Variants in CCDC9B observed in about 807,000 individuals in gnomAD.
CCDC9B encodes the protein coiled-coil domain-containing protein 9B.
A neutral mutation model predicts 47.2 loss-of-function variants in CCDC9B; 40 were observed. The ratio of observed to expected loss-of-function variants is 0.85; its 90% CI spans 0.66 to 1.10. CCDC9B has a LOEUF of 1.10. Among genes scored for constraint, CCDC9B ranks in the 50% least tolerant of loss-of-function variants. The probability of loss-of-function intolerance (pLI) is 0.00; values close to 1 mark genes in which losing one functional copy is unlikely to be tolerated. For missense variants in CCDC9B, 662 were observed against 651.0 expected, an observed-to-expected ratio of 1.02 and a Z score of -0.18; for synonymous variants, 238 against 250.7, an observed-to-expected ratio of 0.95 and a Z score of 0.48.
chr15:40,339,986 G>T lies in CCDC9B; in HGVS notation c.42C>A (p.Ser14Arg), dbSNP rs1362069027. The T allele has an allele frequency of 1.2e-6, 2 of 1,613,434 alleles. No individual in the cohort carries two copies. The highest frequency in any genetic ancestry group is 2.2e-5 in the East Asian group (1 of 44,896). The change falls in exon 2 of 11, where the codon AGC (serine) becomes AGA (arginine). Residue 14 changes from serine to arginine, a missense_variant. Physicochemically the swap from Ser to Arg is moderately radical, Grantham distance 110 (BLOSUM62 -1). Coordinates refer to ENST00000397536, the MANE Select transcript of CCDC9B (RefSeq NM_207380.3). Reference sequence around the variant, plus strand: ...CCAGCTCTGCGTCCTTCTCCTGCCTGCTCATGGGGGACTCGGCTCTGGGAG... The same window carrying T: ...CCAGCTCTGCGTCCTTCTCCTGCCTTCTCATGGGGGACTCGGCTCTGGGAG... ...AGTPRAESPM[S>R]RQEKDAELDR... is the part of the protein sequence containing the mutation.
rs754137129 is a variant in CCDC9B at position 40,336,586 on chromosome 15, C to A, written c.875G>T (p.Gly292Val). 19 of 1,611,852 alleles carry A rather than the reference C, an allele frequency of 1.2e-5. No homozygotes were observed. In the African/African-American group the frequency reaches 1.5e-4, roughly 12 times the overall value. Residue 292 changes from glycine to valine, a missense_variant, in exon 9 of 11, where the codon GGC becomes GTC. Gly to Val is a moderately radical substitution (Grantham distance 109). Transcript: ENST00000397536. ...SKARGKERLT[G>V]RARRWDMKED... ...TGCCACCTGTTACCTTCGGGCCCTG[C>A]CAGTCAGCCTCTCCTTGCCCCGGGC...
Position 40,339,456 on chromosome 15 carries a change from A to G in CCDC9B, c.231+56T>C, listed in dbSNP as rs1017975603. 8 of 1,572,074 alleles carry G rather than the reference A, an allele frequency of 5.1e-6. No homozygotes were observed. The African/African-American group carries it at 1.1e-4, about 21-fold the overall frequency. On this transcript the variant is annotated intron_variant, in intron 3 of 10. Transcript: ENST00000397536. The stretch of plus-strand genomic sequence containing the variant: ...ACAGAGGCAGCTGTCTTTCCCCGAC[A>G]TGGTCTGGGCCTCCACCTCCTTGCT...
At position 40,338,404 on chromosome 15, in the gene CCDC9B, G is replaced by A. The variant is rs1159549622; in HGVS notation, c.513+131C>T. On this transcript the variant is annotated intron_variant, in intron 5 of 10. Transcript: ENST00000397536. Reference sequence around the variant, plus strand: ...AGAGACTGGCCAGAGAAAGGGAGGAGGAGCAGGAACTCCTGCATGTGCTCC... The same window carrying A: ...AGAGACTGGCCAGAGAAAGGGAGGAAGAGCAGGAACTCCTGCATGTGCTCC... 32 of 1,052,388 alleles carry A rather than the reference G, an allele frequency of 3.0e-5. 1 individual carries two copies. In the South Asian group the frequency reaches 3.9e-4, roughly 13 times the overall value. The allele number at this position is 1,052,388 out of a possible 1,614,324, so 65.2% of individuals were successfully genotyped here.
intron 9 of CCDC9B, chr15:40,336,077 G>A (rs1421119470): frequency 2.0e-6 from 2 of 985,282 alleles, no homozygotes; most frequent in Non-Finnish European, 2.4e-6. Context: ...CACCTCCTCT[G>A]GGCCTCCATC....
chr15:40,339,910 A>G lies in CCDC9B; in HGVS notation c.118T>C (p.Tyr40His). The change falls in exon 2 of 11, where the codon TAC becomes CAC. Residue 40 changes from tyrosine to histidine, a missense_variant. Tyr to His is a moderately conservative substitution (Grantham distance 83). Transcript: ENST00000397536. ...CCCTGTGGCAGCCCACTCACCTGGTACCTGCGGAGCAAGGCCTGGTTCTTC... is the reference window on the plus strand; with the variant it reads ...CCCTGTGGCAGCCCACTCACCTGGTGCCTGCGGAGCAAGGCCTGGTTCTTC... Reference protein sequence around the residue: ...RKKNQALLRRYQEIQEDRRQA... With the variant: ...RKKNQALLRRHQEIQEDRRQA... The G allele has an allele frequency of 6.2e-7, 1 of 1,611,182 alleles. No homozygotes were observed. The highest frequency in any genetic ancestry group is 8.5e-7 in the Non-Finnish European group (1 of 1,177,512).
At position 40,334,777 on chromosome 15, in the gene CCDC9B, G is replaced by C. The variant is rs56289107; in HGVS notation, c.*381C>G. ...AGCTGGAGAGGGAGGCCAGGCCCTG[G>C]GGGGGTGACGGGGAGCCAGGAGAGC... On this transcript the variant is annotated 3_prime_UTR_variant, in exon 11 of 11. Coordinates refer to ENST00000397536, the MANE Select transcript of CCDC9B (RefSeq NM_207380.3). The C allele has an allele frequency of 0.087, 14,500 of 166,620 alleles. 863 individuals carry two copies. Among genetic ancestry groups the C allele is most frequent in the Non-Finnish European group, 0.13 (9,923 of 78,076 alleles). The allele number at this position is 166,620 out of a possible 1,614,324, so 10.3% of individuals were successfully genotyped here.
intron 6 of CCDC9B, 136 bp downstream of exon 6, chr15:40,337,588 C>A: frequency 8.3e-7 from 1 of 1,202,040 alleles, no homozygotes; most frequent in Non-Finnish European, 1.2e-6. Flanking sequence ...AGACCCAGAG[C>A]CTTGAACCCT....
Position 40,331,752 on chromosome 15 carries a change from T to C in CCDC9B, c.*3406A>G, listed in dbSNP as rs1322790892. ...AGACTGAGGCTTTTAGAGGCTAAAATTGACCCAGGTCACCCGGCTGACAGA... is the reference window on the plus strand; with the variant it reads ...AGACTGAGGCTTTTAGAGGCTAAAACTGACCCAGGTCACCCGGCTGACAGA... On this transcript the variant is annotated 3_prime_UTR_variant, in exon 11 of 11. Transcript: ENST00000397536. 1 of 152,638 alleles carries C rather than the reference T, an allele frequency of 6.6e-6. No individual in the cohort carries two copies. Among genetic ancestry groups the C allele is most frequent in the African/African-American group, 2.4e-5 (1 of 41,458 alleles). 9.5% of individuals were successfully genotyped at this position (152,638 alleles called of 1,614,324 possible).
Position 40,337,827 on chromosome 15 carries a change from A to G in CCDC9B, c.580T>C (p.Trp194Arg). 6.2e-7 allele frequency: 1 copy of G among 1,610,584 alleles called. No homozygotes were observed. Among genetic ancestry groups the G allele is most frequent in the East Asian group, 2.2e-5 (1 of 44,860 alleles). ...PPEAGWDYAQ[W>R]KQEREQIDLA... ...TCGATCTGCTCCCGCTCCTGCTTCCACTGGGCATAGTCCCAGCCCGCCTCC... is the reference window on the plus strand; with the variant it reads ...TCGATCTGCTCCCGCTCCTGCTTCCGCTGGGCATAGTCCCAGCCCGCCTCC... The change falls in exon 6 of 11, where the codon TGG becomes CGG. Residue 194 changes from tryptophan to arginine, a missense_variant. Physicochemically the swap from Trp to Arg is moderately radical, Grantham distance 101. Transcript: ENST00000397536.
chr15:40,339,317 T>C, intron 3 of CCDC9B, 195 bp downstream of exon 3: 1 of 605,750 alleles, frequency 1.7e-6, no homozygotes, highest in Admixed American at 2.9e-5. Flanking sequence ...AAGATGCATC[T>C]ACTGGGGGTA....
chr15:40,335,874 G>A (rs1244454474), intron 9 of CCDC9B, 48 bp from the exon 10 acceptor site: 5 of 1,587,326 alleles, frequency 3.1e-6, no homozygotes, highest in Non-Finnish European at 3.4e-6. Context: ...TCACTCCAGA[G>A]CCATGTCCCC....
In CCDC9B at chr15:40,335,278, A is replaced by G. The variant is rs989754933; in HGVS notation, c.1353T>C (p.Ser451=). 6.2e-7 allele frequency: 1 copy of G among 1,608,686 alleles called. No homozygotes were observed. Among genetic ancestry groups the G allele is most frequent in the Non-Finnish European group, 8.5e-7 (1 of 1,176,548 alleles). ...TCGGGGCCAGGCCCTGCTGGGCCCC[A>G]GACTTGCCAGACCTGTCTTCTCCGG... ...PEPGEDRSGK[S]GAQQGLAPRS... Residue 451 remains serine (S), a synonymous_variant, in exon 11 of 11, where the codon TCT becomes TCC. Transcript: ENST00000397536.
At position 40,331,763 on chromosome 15, in the gene CCDC9B, C is replaced by T. The variant is rs1043369101; in HGVS notation, c.*3395G>A. On this transcript the variant is annotated 3_prime_UTR_variant, in exon 11 of 11. Coordinates refer to ENST00000397536, the MANE Select transcript of CCDC9B (RefSeq NM_207380.3). ...TTTAGAGGCTAAAATTGACCCAGGT[C>T]ACCCGGCTGACAGATGGCAGGCCTA... The T allele has an allele frequency of 6.6e-6, 1 of 152,666 alleles. No homozygotes were observed. Among genetic ancestry groups the T allele is most frequent in the African/African-American group, 2.4e-5 (1 of 41,464 alleles). 9.5% of individuals were successfully genotyped at this position (152,666 alleles called of 1,614,324 possible).
At chr15:40,340,361 G>C in intron 1 of CCDC9B, 1 of 347,794 alleles carries the variant, frequency 2.9e-6, no homozygotes, top group Non-Finnish European at 5.3e-6. Context: ...GGAACCTGCC[G>C]TGACTGGGAA....
Position 40,339,586 on chromosome 15 carries a change from C to A in CCDC9B, c.157G>T (p.Gly53Trp), listed in dbSNP as rs552041536. The change falls in exon 3 of 11, where the codon GGG becomes TGG. Residue 53 changes from glycine to tryptophan, a missense_variant. Gly to Trp is a radical substitution (Grantham distance 184). Transcript: ENST00000397536. Reference protein sequence around the residue: ...IQEDRRQAEQGGMAVTTPALL... With the variant: ...IQEDRRQAEQWGMAVTTPALL... ...GCTGGTGTGGTCACAGCCATCCCCCCCTGCTCTGCCTGCCGACGGTCCTCC... is the reference window on the plus strand; with the variant it reads ...GCTGGTGTGGTCACAGCCATCCCCCACTGCTCTGCCTGCCGACGGTCCTCC... The A allele has an allele frequency of 2.5e-5, 41 of 1,613,608 alleles. No homozygotes were observed. In the East Asian group the frequency reaches 2.9e-4, roughly 11 times the overall value.
chr15:40,338,145 G>A (rs532701441), intron 5 of CCDC9B: 3 of 721,772 alleles, frequency 4.2e-6, no homozygotes, highest in South Asian at 3.0e-5. Context: ...ACCCACAGGG[G>A]TGTTGCAGGG....
chr15:40,335,730 A>G (rs760657607), intron 10 of CCDC9B, 30 bp from the exon 11 acceptor site: 32 of 1,588,164 alleles, frequency 2.0e-5, no homozygotes, highest in Middle Eastern at 3.3e-4. Flanking sequence ...CCGGTGGCTG[A>G]TGAATCCAGG....
rs1888907199 is a variant in CCDC9B at position 40,334,091 on chromosome 15, C to T, written c.*1067G>A. ...CCGGATGACTGGCTTTCTTCCCTCC[C>T]TCCTGCTGGCAGTCTCCGTCGCCTA... On this transcript the variant is annotated 3_prime_UTR_variant, in exon 11 of 11. Transcript: ENST00000397536. The T allele has an allele frequency of 6.5e-6, 1 of 152,768 alleles. No individual in the cohort carries two copies. Among genetic ancestry groups the T allele is most frequent in the Non-Finnish European group, 1.5e-5 (1 of 68,120 alleles). 9.5% of individuals were successfully genotyped at this position (152,768 alleles called of 1,614,324 possible). A position where few individuals can be genotyped will look rare whatever the true frequency, so the allele number is the denominator to read the frequency against.
Position 40,338,561 on chromosome 15 carries a change from C to T in CCDC9B, c.487G>A (p.Ala163Thr), listed in dbSNP as rs765948608. 5 of 1,613,996 alleles carry T rather than the reference C, an allele frequency of 3.1e-6. No individual in the cohort carries two copies. The highest frequency in any genetic ancestry group is 1.3e-5 in the African/African-American group (1 of 74,938). ...TTCCGTGCAGAATCTGAGCTGATGG[C>T]CACCTGCGTGGGGGGGCTTCGGGTC... ...RVTRSPPTQV[A>T]ISSDSARKGS... is the part of the protein sequence containing the mutation. Residue 163 changes from alanine (A) to threonine (T), a missense_variant, in exon 5 of 11, where the codon GCC (alanine) becomes ACC (threonine). By Grantham distance (58) the Ala-to-Thr change is moderately conservative. Coordinates refer to ENST00000397536, the MANE Select transcript of CCDC9B (RefSeq NM_207380.3).
Sources: allele counts gnomAD v4.1 joint callset, GRCh38; gene constraint gnomAD v4.1.1; transcripts MANE v1.5; gene names NCBI Gene and HGNC (gene_info 2026-07-23, HGNC 2026-07-21).